The following BTBD9 variants were observed in gnomAD, a reference collection of about 807,000 sequenced individuals.
BTBD9 encodes the protein BTB/POZ domain-containing protein 9.
A neutral mutation model predicts 64.3 loss-of-function variants in BTBD9; 49 were observed. The ratio of observed to expected loss-of-function variants is 0.76; its 90% CI spans 0.61 to 0.97. The LOEUF is 0.97. Ranked by LOEUF, BTBD9 falls within the 50% of genes least tolerant of loss-of-function variation. The pLI, the probability that BTBD9 is intolerant of heterozygous loss-of-function variation, is 0.00. For missense variants in BTBD9, 598 were observed against 762.1 expected (o/e 0.78, Z 2.53); for synonymous variants, 260 against 274.7 (o/e 0.95, Z 0.53).
chr6:38,229,243 T>C (rs1763517493), intron 9 of BTBD9, among the ~76,000 whole-genome samples: 1 of 151,214 alleles, frequency 6.6e-6, no homozygotes, highest in African/African-American at 2.4e-5. Flanking sequence ...ATTAATTAGG[T>C]ACTTCATCTG....
chr6:38,617,501 T>C (rs1777832402), intron 1 of BTBD9, among the ~76,000 whole-genome samples: 1 of 152,176 alleles, frequency 6.6e-6, no homozygotes, highest in Admixed American at 6.5e-5. Context: ...CTCTGTTCCC[T>C]TCTTTAGGCA....
intron 6 of BTBD9, among the ~76,000 whole-genome samples, chr6:38,451,415 A>C (rs949953737): frequency 6.6e-6 from 1 of 152,192 alleles, no homozygotes; most frequent in Non-Finnish European, 1.5e-5. Flanking sequence ...CCTTGACTCA[A>C]ACTAACTTAT....
chr6:38,505,619 G>T (rs1208941930), intron 6 of BTBD9, among the ~76,000 whole-genome samples: 3 of 149,264 alleles, frequency 2.0e-5, no homozygotes, highest in African/African-American at 7.4e-5. Context: ...GCGAGACTCT[G>T]TCTCAAGAAA....
intron 6 of BTBD9, among the ~76,000 whole-genome samples, chr6:38,376,102 G>A (rs1765688060): frequency 6.6e-6 from 1 of 152,148 alleles, no homozygotes; most frequent in Non-Finnish European, 1.5e-5. Flanking sequence ...GCTGCTTAAT[G>A]AGTACAGGAA....
At chr6:38,369,155 A>G (rs1019803513) in intron 6 of BTBD9, among the ~76,000 whole-genome samples, 1 of 151,984 alleles carries the variant, frequency 6.6e-6, no homozygotes, top group African/African-American at 2.4e-5. Flanking sequence ...CTTTTTCAGC[A>G]CTCTGCCCTA....
intron 9 of BTBD9, among the ~76,000 whole-genome samples, chr6:38,209,328 G>A (rs1030701741): frequency 6.6e-6 from 1 of 152,112 alleles, no homozygotes; most frequent in Admixed American, 6.5e-5. Context: ...AATTCTTTGC[G>A]GATTTAGCAC....
intron 6 of BTBD9, among the ~76,000 whole-genome samples, chr6:38,511,197 C>T (rs953705614): frequency 6.6e-6 from 1 of 152,020 alleles, no homozygotes; most frequent in Admixed American, 6.6e-5. Flanking sequence ...TTCCCTCTGC[C>T]CCAAATAACC....
intron 8 of BTBD9, 116 bp from the exon 9 acceptor site, chr6:38,256,632 C>A (rs1764588929): frequency 1.5e-6 from 1 of 670,620 alleles, no homozygotes; most frequent in Non-Finnish European, 2.5e-6. Flanking sequence ...TAGGACTGGA[C>A]AAAGAAGGTG....
rs76356120 is a variant in BTBD9, at chr6:38,345,283, T to C, written c.1155-190A>G. Among the ~76,000 whole-genome samples, 117 of 152,328 alleles carry C rather than the reference T, an allele frequency of 7.7e-4. 1 individual carries two copies. In the East Asian group the frequency reaches 0.019, roughly 25 times the overall value. On this transcript the variant is annotated intron_variant, in intron 6 of 10. Coordinates refer to ENST00000481247, the MANE Select transcript of BTBD9 (RefSeq NM_001099272.2). ...GCTCCAATTGAACCTAGAAGAATTA[T>C]AGCAAAATAAGGGACATGTCATTTT...
At chr6:38,495,478 T>C (rs1771911363) in intron 6 of BTBD9, among the ~76,000 whole-genome samples, 1 of 152,208 alleles carries the variant, frequency 6.6e-6, no homozygotes, top group African/African-American at 2.4e-5. Context: ...AAATTTCATC[T>C]ATGAAAAACC....
intron 6 of BTBD9, among the ~76,000 whole-genome samples, chr6:38,453,035 T>C (rs997765451): frequency 6.6e-6 from 1 of 152,110 alleles, no homozygotes; most frequent in Admixed American, 6.5e-5. Context: ...TCAAAGGAAA[T>C]AGCTAATAGG....
chr6:38,620,751 C>T (rs954777646), intron 1 of BTBD9, among the ~76,000 whole-genome samples: 1 of 152,152 alleles, frequency 6.6e-6, no homozygotes, highest in Non-Finnish European at 1.5e-5. Context: ...CGCCCTAAGA[C>T]ATTAAAACAG....
chr6:38,553,914 C>G (rs1339084445), intron 6 of BTBD9, among the ~76,000 whole-genome samples: 1 of 151,786 alleles, frequency 6.6e-6, no homozygotes, highest in Non-Finnish European at 1.5e-5. Context: ...GTTCTGGGTT[C>G]AATGAATTTC....
At chr6:38,353,475 G>A (rs1048706496) in intron 6 of BTBD9, among the ~76,000 whole-genome samples, 1 of 152,028 alleles carries the variant, frequency 6.6e-6, no homozygotes, top group African/African-American at 2.4e-5. Context: ...AGAGAAAAAC[G>A]AATATGAACA....
In BTBD9 at chr6:38,576,354, G is replaced by C. The variant is rs1776032564; in HGVS notation, c.1154+1246C>G. Among the ~76,000 whole-genome samples the C allele has an allele frequency of 4.7e-5, 6 of 127,040 alleles. No individual in the cohort carries two copies. The South Asian group carries it at 1.6e-3, about 33-fold the overall frequency. The allele number at this position is 127,040 out of a possible 152,430, so 83.3% of individuals were successfully genotyped here. A position where few individuals can be genotyped will look rare whatever the true frequency, so the allele number is the denominator to read the frequency against. On this transcript the variant is annotated intron_variant, in intron 6 of 10. Transcript: ENST00000481247. ...ATAAAAGAGCAACCGCTAGACCTGAGACACTTTAGTCTGTCTTTGGGGAAA... is the reference window on the plus strand; with the variant it reads ...ATAAAAGAGCAACCGCTAGACCTGACACACTTTAGTCTGTCTTTGGGGAAA...
chr6:38,579,286 C>T (rs1239904554), intron 5 of BTBD9, among the ~76,000 whole-genome samples: 4 of 152,174 alleles, frequency 2.6e-5, no homozygotes, highest in East Asian at 3.8e-4. Flanking sequence ...AGAAGAAACA[C>T]ACTACCTTGT....
intron 6 of BTBD9, among the ~76,000 whole-genome samples, chr6:38,440,771 A>G (rs926134716): frequency 2.0e-5 from 3 of 152,220 alleles, no homozygotes; most frequent in Admixed American, 1.3e-4. Context: ...CTTCTGTACC[A>G]CATATACTAA....
At chr6:38,621,621 T>C (rs1777986067) in intron 1 of BTBD9, among the ~76,000 whole-genome samples, 2 of 152,212 alleles carry the variant, frequency 1.3e-5, no homozygotes, top group Non-Finnish European at 2.9e-5. Flanking sequence ...TGAACACAGA[T>C]AGCAAGTACG....
At chr6:38,470,485 A>G (rs998337004) in intron 6 of BTBD9, among the ~76,000 whole-genome samples, 5 of 152,262 alleles carry the variant, frequency 3.3e-5, no homozygotes, top group Non-Finnish European at 7.3e-5. Context: ...CTGTCTGGAC[A>G]TAAAGGTTGA....
Sources: gnomAD v4.1 joint callset for allele counts (sites outside exome capture counted in the v4.1 genomes callset) on GRCh38, gnomAD v4.1.1 for gene constraint, MANE v1.5 for transcripts, NCBI Gene and HGNC (gene_info 2026-07-23, HGNC 2026-07-21) for gene names.